PRKG1: variants seen among roughly 807,000 people sequenced by gnomAD.
The protein encoded by PRKG1 is protein kinase cGMP-dependent 1.
A neutral mutation model predicts 88.1 loss-of-function variants in PRKG1; 35 were observed. That is an observed-to-expected ratio of 0.40 (90% confidence interval 0.30 to 0.53). The LOEUF (loss-of-function observed/expected upper bound fraction) is 0.53, where lower values mean the gene tolerates loss of function less well. Ranked by LOEUF, PRKG1 falls within the 20% of genes least tolerant of loss-of-function variation. The pLI is 0.59. For synonymous variants in PRKG1, 303 were observed against 292.5 expected, an observed-to-expected ratio of 1.04 and a Z score of -0.37; for missense variants, 540 against 839.8, an observed-to-expected ratio of 0.64 and a Z score of 4.41.
At chr10:51,490,816 A>G (rs181380021) in intron 3 of PRKG1, among the ~76,000 whole-genome samples, 2 of 152,270 alleles carry the variant, frequency 1.3e-5, no homozygotes, top group East Asian at 3.9e-4. Flanking sequence ...ATCTAGATGG[A>G]AGCATAAAAG....
chr10:51,579,697 T>A (rs1215457816), intron 3 of PRKG1, among the ~76,000 whole-genome samples: 1 of 152,150 alleles, frequency 6.6e-6, no homozygotes, highest in Non-Finnish European at 1.5e-5. Context: ...TATTGTTAAC[T>A]ACTTCTAGGG....
chr10:51,105,144 T>G (rs1040166153), intron 1 of PRKG1, among the ~76,000 whole-genome samples: 9 of 152,240 alleles, frequency 5.9e-5, no homozygotes, highest in African/African-American at 2.2e-4. Context: ...GTGCTGTGAT[T>G]GCAGGTGTGA....
rs1841722136 is a variant in PRKG1 at position 51,330,847 on chromosome 10, C to A, written c.479-136876C>A. 2.6e-5 allele frequency among the ~76,000 whole-genome samples: 4 copies of A among 152,160 alleles called. No homozygotes were observed. In the South Asian group the frequency reaches 8.3e-4, roughly 32 times the overall value. Reference sequence around the variant, plus strand: ...GTGATATGATATTTCCCCAATAGTTCTTGATCCTTGTGTCTGCATATTTGA... The same window carrying A: ...GTGATATGATATTTCCCCAATAGTTATTGATCCTTGTGTCTGCATATTTGA... On this transcript the variant is annotated intron_variant, in intron 2 of 17. Transcript: ENST00000373980.
chr10:51,504,232 C>G (rs1474852868), intron 3 of PRKG1, among the ~76,000 whole-genome samples: 1 of 151,978 alleles, frequency 6.6e-6, no homozygotes, highest in Non-Finnish European at 1.5e-5. Context: ...CCTCTTGACA[C>G]ACCAAGCATA....
intron 2 of PRKG1, among the ~76,000 whole-genome samples, chr10:51,266,296 T>TG (rs1839834410): frequency 1.3e-5 from 2 of 152,154 alleles, no homozygotes; most frequent in Admixed American, 1.3e-4. Flanking sequence ...AATATTTATC[T>TG]GGTGGTAGTG....
intron 2 of PRKG1, among the ~76,000 whole-genome samples, chr10:51,314,693 A>T: frequency 6.6e-6 from 1 of 152,246 alleles, no homozygotes; most frequent in East Asian, 1.9e-4. Flanking sequence ...GGAAGTAAAC[A>T]TTCATCCAAG....
rs1842330035 is a variant in PRKG1, at chr10:52,293,987, T to G, written c.*87T>G. 8.8e-7 allele frequency: 1 copy of G among 1,142,776 alleles called. No individual in the cohort carries two copies. Among genetic ancestry groups the G allele is most frequent in the Non-Finnish European group, 1.3e-6 (1 of 774,356 alleles). The allele number at this position is 1,142,776 out of a possible 1,614,324, so 70.8% of individuals were successfully genotyped here. A position where few individuals can be genotyped will look rare whatever the true frequency, so the allele number is the denominator to read the frequency against. On this transcript the variant is annotated 3_prime_UTR_variant, in exon 18 of 18. Coordinates refer to ENST00000373980, the MANE Select transcript of PRKG1 (RefSeq NM_006258.4). ...GCAAACCTGAGGGAAAGAGAGAAGATTAGTGCTCGGGGTCACCATGATGCC... is the reference window on the plus strand; with the variant it reads ...GCAAACCTGAGGGAAAGAGAGAAGAGTAGTGCTCGGGGTCACCATGATGCC...
chr10:51,458,376 G>C (rs995810636), intron 2 of PRKG1, among the ~76,000 whole-genome samples: 20 of 151,864 alleles, frequency 1.3e-4, no homozygotes, highest in Admixed American at 4.6e-4. Flanking sequence ...CACAGGAATA[G>C]TGACTAACAT....
chr10:51,304,926 AG>A (rs762191114), intron 2 of PRKG1, among the ~76,000 whole-genome samples: 151 of 152,208 alleles, frequency 9.9e-4, no homozygotes, highest in Non-Finnish European at 1.9e-3. Flanking sequence ...ATTACTTGTA[AG>A]GGGTAGAGAG....
At chr10:51,768,984 C>T (rs918459842) in intron 3 of PRKG1, among the ~76,000 whole-genome samples, 4 of 152,046 alleles carry the variant, frequency 2.6e-5, no homozygotes, top group African/African-American at 9.7e-5. Flanking sequence ...TTTGAACATC[C>T]CAGGGATAAA....
At chr10:51,435,139 T>A (rs1440069407) in intron 2 of PRKG1, among the ~76,000 whole-genome samples, 1 of 152,090 alleles carries the variant, frequency 6.6e-6, no homozygotes, top group Non-Finnish European at 1.5e-5. Context: ...GAGTTTGGTA[T>A]GAAATGTACC....
At chr10:51,707,683 T>A (rs1320066680) in intron 3 of PRKG1, among the ~76,000 whole-genome samples, 4 of 152,122 alleles carry the variant, frequency 2.6e-5, no homozygotes, top group Non-Finnish European at 4.4e-5. Context: ...CTAGTATATC[T>A]CTTCTGAGGC....
intron 8 of PRKG1, among the ~76,000 whole-genome samples, chr10:52,159,300 T>C (rs1425576814): frequency 6.6e-6 from 1 of 151,582 alleles, no homozygotes; most frequent in Non-Finnish European, 1.5e-5. Flanking sequence ...TATTAATAAA[T>C]ATTGGGTCAT....
chr10:51,435,149 C>CTTATGTAG (rs1838884565), intron 2 of PRKG1, among the ~76,000 whole-genome samples: 1 of 151,886 alleles, frequency 6.6e-6, no homozygotes, highest in African/African-American at 2.4e-5. Flanking sequence ...TGAAATGTAC[C>CTTATGTAG]TTATGTAGCC....
chr10:52,223,498 T>C (rs1729578), intron 9 of PRKG1, among the ~76,000 whole-genome samples: 41,206 of 152,046 alleles, frequency 0.27, 5,751 homozygotes, highest in Non-Finnish European at 0.3. Flanking sequence ...AATAGTTCTA[T>C]GTCGGCATGC....
At chr10:51,676,461 CAAAA>C (rs375581966) in intron 3 of PRKG1, among the ~76,000 whole-genome samples, 1 of 92,740 alleles carries the variant, frequency 1.1e-5, no homozygotes, top group Non-Finnish European at 2.4e-5. Context: ...CACCAATGCA[CAAAA>C]AAAAAAAAAA....
intron 3 of PRKG1, among the ~76,000 whole-genome samples, chr10:51,478,872 A>G (rs1840275560): frequency 6.6e-6 from 1 of 152,052 alleles, no homozygotes; most frequent in Non-Finnish European, 1.5e-5. Context: ...GAAATGCTAA[A>G]TATCTTCTGA....
rs147701363 is a variant in PRKG1 at position 51,835,505 on chromosome 10, C to T, written c.698+30815C>T. 3.7e-4 allele frequency among the ~76,000 whole-genome samples: 57 copies of T among 152,290 alleles called. No individual in the cohort carries two copies. In the East Asian group the frequency reaches 7.3e-3, roughly 20 times the overall value. On this transcript the variant is annotated intron_variant, in intron 4 of 17. Coordinates refer to ENST00000373980, the MANE Select transcript of PRKG1 (RefSeq NM_006258.4). ...CCAATACTCTCTCTGGCACTTAGTA[C>T]GCACACAACAAATGTTTGCTGAATG...
intron 4 of PRKG1, 58 bp downstream of exon 4, chr10:51,804,748 T>C: frequency 8.2e-7 from 1 of 1,215,296 alleles, no homozygotes; most frequent in Middle Eastern, 1.9e-4. Flanking sequence ...CCCTATTATC[T>C]GAAATGCAGC....
Sources: gnomAD v4.1 joint callset for allele counts (sites outside exome capture counted in the v4.1 genomes callset) on GRCh38, gnomAD v4.1.1 for gene constraint, MANE v1.5 for transcripts, NCBI Gene and HGNC (gene_info 2026-07-23, HGNC 2026-07-21) for gene names.